MYOCOS: variants seen among roughly 807,000 people sequenced by gnomAD.
The protein encoded by MYOCOS is myocilin opposite strand protein.
chr1:171,607,925 G>A (rs577914499), intron 1 of MYOCOS, among the ~76,000 whole-genome samples: 5 of 152,300 alleles, frequency 3.3e-5, no homozygotes, highest in Non-Finnish European at 5.9e-5. Context: ...CCATGTGGCC[G>A]GGGAAGCCTC....
chr1:171,604,937 T>C (rs1245214041), intron 1 of MYOCOS, among the ~76,000 whole-genome samples: 1 of 152,116 alleles, frequency 6.6e-6, no homozygotes, highest in Non-Finnish European at 1.5e-5. Context: ...GAAAAATACG[T>C]ATCATTAGGC....
rs553010089 is a variant in MYOCOS, at chr1:171,603,189, G to A, written c.-252+2109G>A. Among the ~76,000 whole-genome samples, 65 of 152,292 alleles carry A rather than the reference G, an allele frequency of 4.3e-4. No individual in the cohort carries two copies. The South Asian group carries it at 8.3e-3, about 19-fold the overall frequency. On this transcript the variant is annotated intron_variant, in intron 1 of 3. Coordinates refer to the MYOCOS transcript ENST00000636697. The stretch of plus-strand genomic sequence containing the variant: ...GTTCACTTCGTGTCTCTCATGGCAG[G>A]GAGGAGACTTATTAGCATTCCTTAG...
chr1:171,603,846 G>T (rs1396986032), intron 1 of MYOCOS, among the ~76,000 whole-genome samples: 3 of 152,218 alleles, frequency 2.0e-5, no homozygotes, highest in Admixed American at 2.0e-4. Context: ...AGCCCTGTTA[G>T]CACAAGAAGC....
chr1:171,603,433 G>A (rs1479867402), intron 1 of MYOCOS, among the ~76,000 whole-genome samples: 4 of 152,160 alleles, frequency 2.6e-5, no homozygotes, highest in Non-Finnish European at 5.9e-5. Flanking sequence ...AGTGAGAGAA[G>A]CCCTTATAGG....
chr1:171,606,962 C>G (rs1417878370), intron 1 of MYOCOS, among the ~76,000 whole-genome samples: 1 of 151,964 alleles, frequency 6.6e-6, no homozygotes, highest in African/African-American at 2.4e-5. Flanking sequence ...GGTGTGGTGG[C>G]AGGTGCCTGT....
At chr1:171,626,050 T>TC (rs1652688787) in intron 2 of MYOCOS, among the ~76,000 whole-genome samples, 1 of 152,082 alleles carries the variant, frequency 6.6e-6, no homozygotes, top group Admixed American at 6.6e-5. Flanking sequence ...CTATTCTTTT[T>TC]AGATGCTGGC....
chr1:171,619,476 C>G (rs1295953196), upstream of MYOCOS, among the ~76,000 whole-genome samples: 1 of 152,136 alleles, frequency 6.6e-6, no homozygotes, highest in Non-Finnish European at 1.5e-5. Context: ...CCTGAGGGTT[C>G]CTGGCTAAAG....
chr1:171,603,482 C>T (rs1254899275), intron 1 of MYOCOS, among the ~76,000 whole-genome samples: 1 of 152,070 alleles, frequency 6.6e-6, no homozygotes, highest in African/African-American at 2.4e-5. Context: ...CAATTGGAGC[C>T]CCACAAGAAA....
At chr1:171,606,715 C>T (rs1007771357) in intron 1 of MYOCOS, among the ~76,000 whole-genome samples, 3 of 152,186 alleles carry the variant, frequency 2.0e-5, no homozygotes, top group Admixed American at 6.5e-5. Flanking sequence ...ATTGTGCACT[C>T]GAGGAGCTCA....
intron 2 of MYOCOS, 25 bp downstream of exon 2, chr1:171,624,003 C>A (rs999017138): frequency 6.3e-5 from 25 of 398,462 alleles, no homozygotes; most frequent in Admixed American, 1.3e-4. Flanking sequence ...TCCTCTGGAT[C>A]GCTTGTGGGG....
chr1:171,620,320 C>T (rs1466474941), upstream of MYOCOS, among the ~76,000 whole-genome samples: 1 of 151,950 alleles, frequency 6.6e-6, no homozygotes, highest in African/African-American at 2.4e-5. Flanking sequence ...TACTCTCCAA[C>T]CTGACTCTGG....
intron 1 of MYOCOS, among the ~76,000 whole-genome samples, chr1:171,609,245 T>C (rs758672986): frequency 6.6e-6 from 1 of 152,244 alleles, no homozygotes; most frequent in African/African-American, 2.4e-5. Flanking sequence ...TGGACAAGCA[T>C]GTACTAAAAG....
intron 1 of MYOCOS, among the ~76,000 whole-genome samples, chr1:171,609,395 G>A (rs1460883174): frequency 6.6e-6 from 1 of 152,114 alleles, no homozygotes; most frequent in Non-Finnish European, 1.5e-5. Context: ...AAAGTGACTA[G>A]GTGGAAGCTA....
At chr1:171,613,526 T>G (rs1486758598) in intron 1 of MYOCOS, among the ~76,000 whole-genome samples, 1 of 151,894 alleles carries the variant, frequency 6.6e-6, no homozygotes, top group Non-Finnish European at 1.5e-5. Context: ...GGACTGAGAA[T>G]TCAACATTCT....
chr1:171,626,555 C>T lies in MYOCOS; in HGVS notation c.197C>T (p.Pro66Leu), dbSNP rs1450595201. ...PPPHRTYLTV[P>L]PAPPPSPAED... ...CCTCACAGGACCTACCTCACAGTACCTCCTGCCCCACCTCCTTCTCCAGCT... is the reference window on the plus strand; with the variant it reads ...CCTCACAGGACCTACCTCACAGTACTTCCTGCCCCACCTCCTTCTCCAGCT... Residue 66 changes from proline (P) to leucine (L), a missense_variant, in exon 3 of 3, where the codon CCT (proline) becomes CTT (leucine). By Grantham distance (98) the Pro-to-Leu change is moderately conservative. Coordinates refer to ENST00000637642, the MANE Select transcript of MYOCOS (RefSeq NM_001391940.1). 2.5e-6 allele frequency: 1 copy of T among 398,684 alleles called. No homozygotes were observed. Among genetic ancestry groups the T allele is most frequent in the Non-Finnish European group, 4.4e-6 (1 of 226,082 alleles). The allele number at this position is 398,684 out of a possible 1,614,324, so 24.7% of individuals were successfully genotyped here.
intron 2 of MYOCOS, among the ~76,000 whole-genome samples, chr1:171,625,994 T>C (rs1057086485): frequency 1.3e-5 from 2 of 152,110 alleles, no homozygotes; most frequent in Non-Finnish European, 2.9e-5. Context: ...TTCTGCAAGG[T>C]GAGTATGGGT....
chr1:171,615,258 G>A (rs1013030085), intron 2 of MYOCOS, among the ~76,000 whole-genome samples: 6 of 152,306 alleles, frequency 3.9e-5, no homozygotes, highest in African/African-American at 1.4e-4. Context: ...CAAAGATAAC[G>A]GTGAGTTGGA....
exon 1 of MYOCOS, chr1:171,600,890 CT>C (rs1002548400): frequency 6.6e-6 from 1 of 152,236 alleles, no homozygotes; most frequent in Non-Finnish European, 1.5e-5. Flanking sequence ...AACTTGGTGT[CT>C]GAGAGGTTTT....
At chr1:171,607,396 C>T (rs1652269972) in intron 1 of MYOCOS, among the ~76,000 whole-genome samples, 1 of 152,148 alleles carries the variant, frequency 6.6e-6, no homozygotes, top group African/African-American at 2.4e-5. Flanking sequence ...GCCATTGTTT[C>T]TCTCTCCCAC....
Sources: allele counts gnomAD v4.1 joint callset (sites outside exome capture counted in the v4.1 genomes callset), GRCh38; gene constraint gnomAD v4.1.1; transcripts MANE v1.5; gene names NCBI Gene and HGNC (gene_info 2026-07-23, HGNC 2026-07-21).